TMPRSS11E: variants seen among roughly 807,000 people sequenced by gnomAD.
The protein encoded by TMPRSS11E is transmembrane protease serine 11E.
TMPRSS11E carries 38 observed loss-of-function variants against 48.1 expected under a neutral mutation model. The ratio of observed to expected loss-of-function variants is 0.79; its 90% CI spans 0.61 to 1.04. The LOEUF is 1.04. TMPRSS11E is among the 50% of genes least tolerant of loss of function. TMPRSS11E has a pLI of 0.00. For missense variants in TMPRSS11E, 530 were observed against 510.8 expected (o/e 1.04, Z -0.36); for synonymous variants, 158 against 171.9 (o/e 0.92, Z 0.63).
At chr4:68,492,637 A>AG (rs1184521047) in intron 9 of TMPRSS11E, among the ~76,000 whole-genome samples, 1 of 152,214 alleles carries the variant, frequency 6.6e-6, no homozygotes, top group Non-Finnish European at 1.5e-5. Flanking sequence ...CTGTGAGTTT[A>AG]ATGTTAATGA....
chr4:68,465,056 G>A (rs1728890878), intron 2 of TMPRSS11E, among the ~76,000 whole-genome samples: 4 of 152,206 alleles, frequency 2.6e-5, no homozygotes, highest in African/African-American at 7.2e-5. Context: ...TACAGAGATA[G>A]TTATGAGTTA....
At position 68,471,587 on chromosome 4, in the gene TMPRSS11E, C is replaced by T. The variant is rs770022645; in HGVS notation, c.454C>T (p.Pro152Ser). Residue 152 changes from proline to serine, a missense_variant, in exon 5 of 10, where the codon CCC becomes TCC. Pro to Ser is a moderately conservative substitution (Grantham distance 74). Transcript: ENST00000305363. ...TGAAAAGCTGCAAGATGCTGTAGGA[C>T]CCCCTAAAGTAGATCCTCACTCAGT... The part of the protein sequence containing the change: ...LHEKLQDAVG[P>S]PKVDPHSVKI... The T allele has an allele frequency of 1.9e-6, 3 of 1,609,178 alleles. No homozygotes were observed. The highest frequency in any genetic ancestry group is 2.5e-6 in the Non-Finnish European group (3 of 1,177,694).
At chr4:68,457,675 C>T (rs962981309) in intron 1 of TMPRSS11E, among the ~76,000 whole-genome samples, 3 of 152,012 alleles carry the variant, frequency 2.0e-5, no homozygotes, top group Non-Finnish European at 2.9e-5. Context: ...GTCTGTTATA[C>T]GTATCTCATT....
chr4:68,469,499 G>T (rs1238088980), intron 4 of TMPRSS11E, among the ~76,000 whole-genome samples: 2 of 151,816 alleles, frequency 1.3e-5, no homozygotes, highest in African/African-American at 4.8e-5. Flanking sequence ...TTAAAAAACA[G>T]AATAAGAATT....
chr4:68,474,898 T>C, intron 6 of TMPRSS11E, 137 bp downstream of exon 6: 1 of 693,114 alleles, frequency 1.4e-6, no homozygotes, highest in Non-Finnish European at 2.4e-6. Context: ...CAGTTCATGG[T>C]ACTTTATCAT....
At chr4:68,465,572 C>G (rs779602980) in intron 2 of TMPRSS11E, among the ~76,000 whole-genome samples, 4 of 151,964 alleles carry the variant, frequency 2.6e-5, no homozygotes, top group Non-Finnish European at 4.4e-5. Flanking sequence ...ATGTGGATAA[C>G]ATTGCCTTTT....
chr4:68,451,268 G>A (rs752806977), intron 1 of TMPRSS11E, among the ~76,000 whole-genome samples: 3 of 151,904 alleles, frequency 2.0e-5, no homozygotes, highest in Non-Finnish European at 4.4e-5. Context: ...TCTCATTGAA[G>A]ATAATAGCTA....
intron 9 of TMPRSS11E, among the ~76,000 whole-genome samples, chr4:68,490,950 C>T (rs759278671): frequency 5.9e-5 from 9 of 151,542 alleles, no homozygotes; most frequent in African/African-American, 1.2e-4. Flanking sequence ...GTAGAGACGG[C>T]GTTTTGCCAT....
intron 4 of TMPRSS11E, among the ~76,000 whole-genome samples, chr4:68,471,055 G>A (rs983261840): frequency 2.0e-5 from 3 of 151,744 alleles, no homozygotes; most frequent in African/African-American, 4.8e-5. Context: ...ACCTTTTGAT[G>A]GTAAGGGAGA....
intron 9 of TMPRSS11E, among the ~76,000 whole-genome samples, chr4:68,491,361 T>C (rs1323560309): frequency 6.6e-6 from 1 of 151,106 alleles, no homozygotes; most frequent in Non-Finnish European, 1.5e-5. Context: ...CCTTTTGTCC[T>C]GCATTTCTGA....
At chr4:68,478,451 C>CT (rs377068765) in intron 8 of TMPRSS11E, among the ~76,000 whole-genome samples, 2,480 of 73,614 alleles carry the variant, frequency 0.034, 168 homozygotes, top group African/African-American at 0.11. Context: ...GTATCCCCCG[C>CT]TTTTTTTTTT....
chr4:68,477,491 A>T lies in TMPRSS11E; in HGVS notation c.830A>T (p.Asp277Val), dbSNP rs532469975. ...EKYKHPSHDYDISLAELSSPV... is the reference protein window; with the variant it reads ...EKYKHPSHDYVISLAELSSPV... ...TACAAACACCCATCACATGACTATG[A>T]TATTTCTCTTGCAGAGCTTTCTAGC... The change falls in exon 8 of 10, where the codon GAT (aspartate) becomes GTT (valine). Residue 277 changes from aspartate to valine, a missense_variant. Asp to Val is a radical substitution (Grantham distance 152). Coordinates refer to ENST00000305363, the MANE Select transcript of TMPRSS11E (RefSeq NM_014058.4). 1.2e-6 allele frequency: 2 copies of T among 1,614,042 alleles called. No homozygotes were observed. Among genetic ancestry groups the T allele is most frequent in the African/African-American group, 2.7e-5 (2 of 75,008 alleles).
At position 68,461,897 on chromosome 4, in the gene TMPRSS11E, A is replaced by G. The variant is rs1560548843; in HGVS notation, c.88A>G (p.Ile30Val). The change falls in exon 2 of 10, where the codon ATT (isoleucine) becomes GTT (valine). Residue 30 changes from isoleucine (I) to valine (V), a missense_variant. Ile to Val is a conservative substitution (Grantham distance 29, BLOSUM62 3). Coordinates refer to ENST00000305363, the MANE Select transcript of TMPRSS11E (RefSeq NM_014058.4). ...VIGLVIFISL[I>V]VLAVCIGLTV... ...CGGCCTCGTCATCTTCATATCCCTG[A>G]TTGTCCTGGCAGTGTGCATTGGACT... 4.3e-6 allele frequency: 7 copies of G among 1,614,122 alleles called. No homozygotes were observed. In the East Asian group the frequency reaches 1.6e-4, roughly 36 times the overall value.
chr4:68,460,871 A>T (rs905551673), intron 1 of TMPRSS11E, among the ~76,000 whole-genome samples: 1 of 146,542 alleles, frequency 6.8e-6, no homozygotes, highest in South Asian at 2.2e-4. Flanking sequence ...ATGCAAAAAG[A>T]ATTTCCTGTA....
intron 1 of TMPRSS11E, among the ~76,000 whole-genome samples, chr4:68,457,637 G>A (rs2109666680): frequency 6.6e-6 from 1 of 152,094 alleles, no homozygotes; most frequent in African/African-American, 2.4e-5. Context: ...GCAAAGACTT[G>A]GAACCAACCC....
intron 8 of TMPRSS11E, among the ~76,000 whole-genome samples, chr4:68,478,472 T>TTTTTTTTTTTTG (rs878907082): frequency 6.9e-6 from 1 of 144,384 alleles, no homozygotes; most frequent in Non-Finnish European, 1.5e-5. Context: ...TTTTTTTTTT[T>TTTTTTTTTTTTG]AAGATGGGGC....
chr4:68,474,853 G>A, intron 6 of TMPRSS11E, 92 bp downstream of exon 6: 2 of 984,386 alleles, frequency 2.0e-6, no homozygotes, highest in Non-Finnish European at 3.1e-6. Context: ...TGATATCATA[G>A]GGACAGAACA....
Position 68,471,473 on chromosome 4 carries a change from G to T in TMPRSS11E, c.340G>T (p.Gly114Ter). The T allele has an allele frequency of 7.1e-7, 1 of 1,412,962 alleles. No individual in the cohort carries two copies. Among genetic ancestry groups the T allele is most frequent in the African/African-American group, 1.5e-5 (1 of 65,480 alleles). The allele number at this position is 1,412,962 out of a possible 1,614,324, so 87.5% of individuals were successfully genotyped here. ...QVIKFSQQKHGVLAHMLLICR... is the reference protein window; with the variant it reads ...QVIKFSQQKH ...TTTGGCCCACAGTCAACAGAAGCAT[G>T]GAGTGTTGGCTCATATGCTGTTGAT... The change falls in exon 5 of 10, where the codon GGA (glycine) becomes TGA (stop). Residue 114 changes from glycine (G) to a stop codon, truncating the protein, a stop_gained. Coordinates refer to ENST00000305363, the MANE Select transcript of TMPRSS11E (RefSeq NM_014058.4). LOFTEE classifies it high-confidence loss of function.
intron 6 of TMPRSS11E, among the ~76,000 whole-genome samples, chr4:68,475,903 C>T (rs1729198745): frequency 6.6e-6 from 1 of 152,150 alleles, no homozygotes; most frequent in Non-Finnish European, 1.5e-5. Context: ...AGTATGTATA[C>T]ATACACATAA....
Sources: gnomAD v4.1 joint callset for allele counts (sites outside exome capture counted in the v4.1 genomes callset) on GRCh38, gnomAD v4.1.1 for gene constraint, MANE v1.5 for transcripts, NCBI Gene and HGNC (gene_info 2026-07-23, HGNC 2026-07-21) for gene names.